Variants in SEC23A observed in about 807,000 individuals in gnomAD.
SEC23A encodes SEC23 homolog A, COPII component, also known as protein transport protein Sec23A.
Under a neutral mutation model 103.7 loss-of-function variants are expected in SEC23A, and 56 were observed. The observed-to-expected ratio is 0.54, with a 90% CI of 0.44 to 0.67. SEC23A has a LOEUF of 0.67. SEC23A is among the 30% of genes least tolerant of loss of function. The probability of loss-of-function intolerance (pLI) is 0.00; values close to 1 mark genes in which losing one functional copy is unlikely to be tolerated. For synonymous variants in SEC23A, 281 were observed against 293.0 expected (o/e 0.96, Z 0.42); for missense variants, 784 against 936.4 (o/e 0.84, Z 2.12).
At chr14:39,102,163 C>T (rs1326344062) in intron 1 of SEC23A, among the ~76,000 whole-genome samples, 2 of 151,330 alleles carry the variant, frequency 1.3e-5, no homozygotes, top group Non-Finnish European at 2.9e-5. Flanking sequence ...ACCAGGGAGG[C>T]GGAGGTTGCA....
intron 19 of SEC23A, among the ~76,000 whole-genome samples, chr14:39,034,033 G>A (rs1885385813): frequency 6.6e-6 from 1 of 152,204 alleles, no homozygotes. Flanking sequence ...GCAAATGTGA[G>A]ATGAGAACTT....
chr14:39,100,603 G>A (rs2139307705), intron 1 of SEC23A, among the ~76,000 whole-genome samples: 1 of 151,806 alleles, frequency 6.6e-6, no homozygotes, highest in East Asian at 1.9e-4. Context: ...AGTAGAGATG[G>A]GGTTTCTCCA....
intron 13 of SEC23A, among the ~76,000 whole-genome samples, chr14:39,058,436 T>C (rs942341555): frequency 3.9e-5 from 6 of 152,096 alleles, no homozygotes; most frequent in Non-Finnish European, 7.4e-5. Flanking sequence ...GCCTCCCAAA[T>C]AGCTGGGACT....
intron 4 of SEC23A, among the ~76,000 whole-genome samples, 183 bp from the exon 5 acceptor site, chr14:39,091,896 A>T (rs1887675910): frequency 6.6e-6 from 1 of 152,198 alleles, no homozygotes; most frequent in Admixed American, 6.6e-5. Context: ...GTGAAAAATT[A>T]AGTTTAAGAA....
chr14:39,074,019 C>T (rs1384326351), intron 9 of SEC23A, among the ~76,000 whole-genome samples: 1 of 152,258 alleles, frequency 6.6e-6, no homozygotes, highest in African/African-American at 2.4e-5. Context: ...CTAATGGGAA[C>T]ATAGTTTCTA....
intron 9 of SEC23A, among the ~76,000 whole-genome samples, chr14:39,068,095 G>C (rs1886734430): frequency 6.6e-6 from 1 of 151,926 alleles, no homozygotes; most frequent in East Asian, 1.9e-4. Context: ...TTCACTTTTT[G>C]CACTTATTTT....
rs116789880 is a variant in SEC23A at position 39,084,429 on chromosome 14, T to C, written c.828+1333A>G. ...CTGTTAACATCTGGGTGAACTTCTT[T>C]CCAGAATCATGTCTGTACAGGATAT... On this transcript the variant is annotated intron_variant, in intron 7 of 19. Transcript: ENST00000307712. Among the ~76,000 whole-genome samples, 694 of 152,274 alleles carry C rather than the reference T, an allele frequency of 4.6e-3. 7 individuals are homozygous for C. Among genetic ancestry groups the C allele is most frequent in the African/African-American group, 0.016 (669 of 41,564 alleles).
intron 9 of SEC23A, 123 bp from the exon 10 acceptor site, chr14:39,067,419 G>T (rs1485736472): frequency 1.5e-5 from 15 of 994,852 alleles, no homozygotes; most frequent in African/African-American, 3.3e-5. Flanking sequence ...CCCAAAATGT[G>T]CTGTATTACT....
At chr14:39,079,407 A>G (rs1887141980) in intron 7 of SEC23A, among the ~76,000 whole-genome samples, 1 of 152,222 alleles carries the variant, frequency 6.6e-6, no homozygotes, top group Non-Finnish European at 1.5e-5. Flanking sequence ...CATATTAGAA[A>G]GGCTATTTTA....
chr14:39,091,297 TAACA>T (rs946138234), intron 5 of SEC23A, 176 bp downstream of exon 5: 1 of 610,266 alleles, frequency 1.6e-6, no homozygotes, highest in African/African-American at 1.9e-5. Flanking sequence ...TTAATCTGTA[TAACA>T]ATTTAAGGCA....
chr14:39,060,744 T>C (rs1276816179), intron 13 of SEC23A, among the ~76,000 whole-genome samples: 1 of 152,220 alleles, frequency 6.6e-6, no homozygotes, highest in Non-Finnish European at 1.5e-5. Context: ...TCAGTTAAAT[T>C]TGTTGTCTCT....
intron 19 of SEC23A, among the ~76,000 whole-genome samples, chr14:39,036,259 T>G (rs10151124): frequency 0.099 from 14,044 of 142,464 alleles, 817 homozygotes; most frequent in East Asian, 0.22. Context: ...GAGGCAGAGG[T>G]TGCAGCGAGT....
At chr14:39,070,730 T>A (rs1229759481) in intron 9 of SEC23A, among the ~76,000 whole-genome samples, 2 of 151,018 alleles carry the variant, frequency 1.3e-5, no homozygotes, top group Non-Finnish European at 3.0e-5. Context: ...CTTCTAATGG[T>A]AGAAGACTAA....
chr14:39,045,385 A>G, intron 15 of SEC23A, 61 bp from the exon 16 acceptor site: 1 of 1,242,510 alleles, frequency 8.0e-7, no homozygotes, highest in Non-Finnish European at 1.2e-6. Context: ...GGTGTTTACT[A>G]TTAGCAAAAA....
At chr14:39,056,130 T>G (rs1162805720) in intron 13 of SEC23A, among the ~76,000 whole-genome samples, 1 of 152,240 alleles carries the variant, frequency 6.6e-6, no homozygotes, top group Non-Finnish European at 1.5e-5. Context: ...GCCACTACGC[T>G]TCATGCCACT....
At chr14:39,036,659 C>A (rs1314572706) in intron 19 of SEC23A, among the ~76,000 whole-genome samples, 2 of 152,268 alleles carry the variant, frequency 1.3e-5, no homozygotes, top group South Asian at 2.1e-4. Context: ...CGTCCATATA[C>A]TGCTTATGAT....
Position 39,045,168 on chromosome 14 carries a change from G to A in SEC23A, c.1894C>T (p.Pro632Ser), listed in dbSNP as rs773286554. 3 of 1,613,084 alleles carry A rather than the reference G, an allele frequency of 1.9e-6. No homozygotes were observed. The highest frequency in any genetic ancestry group is 2.5e-6 in the Non-Finnish European group (3 of 1,179,564). Reference protein sequence around the residue: ...ILYAYSFSGPPEPVLLDSSSI... With the variant: ...ILYAYSFSGPSEPVLLDSSSI... ...TTTTTTTCTGTCCCTCTTACCTCTG[G>A]TGGTCCACTAAAAGAATACGCATAC... The change falls in exon 16 of 20, where the codon CCA (proline) becomes TCA (serine). Residue 632 changes from proline to serine, a missense_variant. This residue lies in a region of SEC23A where 683 missense variants were observed against 774.2 expected (regional missense o/e 0.88). Transcript: ENST00000307712.
intron 13 of SEC23A, among the ~76,000 whole-genome samples, chr14:39,058,592 C>A (rs1886334574): frequency 6.6e-6 from 1 of 152,204 alleles, no homozygotes; most frequent in Non-Finnish European, 1.5e-5. Context: ...CAGGCGTGAG[C>A]CACCGCGCCC....
At chr14:39,087,415 A>G in intron 5 of SEC23A, 1 of 192,568 alleles carries the variant, frequency 5.2e-6, no homozygotes, top group Non-Finnish European at 1.1e-5. Flanking sequence ...CCCTTCCCTC[A>G]TGGAAATTAA....
Sources: gnomAD v4.1 joint callset for allele counts (sites outside exome capture counted in the v4.1 genomes callset) on GRCh38, gnomAD v4.1.1 for gene constraint, gnomAD v4.1.1 regional missense constraint, MANE v1.5 for transcripts, NCBI Gene and HGNC (gene_info 2026-07-23, HGNC 2026-07-21) for gene names.